Variants in RP2 observed in about 807,000 individuals in gnomAD.
The protein encoded by RP2 is protein XRP2.
A neutral mutation model predicts 20.3 loss-of-function variants in RP2; 3 were observed. The observed-to-expected ratio is 0.15, with a 90% CI of 0.07 to 0.38. The LOEUF is 0.38. Among genes scored for constraint, RP2 ranks in the 10% least tolerant of loss-of-function variants. The probability of loss-of-function intolerance (pLI) is 1.00; values close to 1 mark genes in which losing one functional copy is unlikely to be tolerated. For missense variants in RP2, 233 were observed against 268.5 expected (o/e 0.87, Z 0.92); for synonymous variants, 75 against 94.8 (o/e 0.79, Z 1.22).
intron 1 of RP2, among the ~76,000 whole-genome samples, chrX:46,848,941 G>A (rs1161949756): frequency 1.9e-5 from 2 of 107,973 alleles, no homozygotes; most frequent in Non-Finnish European, 3.8e-5. Context: ...AGGCGGGGAG[G>A]ATTGCTTGAA....
At position 46,839,335 on chromosome X, in the gene RP2, T is replaced by G. The variant is rs112897071; in HGVS notation, c.102+2133T>G. Among the ~76,000 whole-genome samples, 370 of 111,535 alleles carry G rather than the reference T, an allele frequency of 3.3e-3. 3 individuals are homozygous for G. Among genetic ancestry groups the G allele is most frequent in the African/African-American group, 0.011 (345 of 30,742 alleles). On this transcript the variant is annotated intron_variant, in intron 1 of 4. Coordinates refer to ENST00000218340, the MANE Select transcript of RP2 (RefSeq NM_006915.3). ...GGGAGGCCAAGGCTGGTGGCTCTCTTGAGCCCAGGAGTTCCAGACCAGCCT... is the reference window on the plus strand; with the variant it reads ...GGGAGGCCAAGGCTGGTGGCTCTCTGGAGCCCAGGAGTTCCAGACCAGCCT...
chrX:46,837,048 C>T lies in RP2; in HGVS notation c.-53C>T, dbSNP rs1171172291. 1.1e-5 allele frequency: 12 copies of T among 1,122,902 alleles called. No homozygotes were observed. Among genetic ancestry groups the T allele is most frequent in the Non-Finnish European group, 1.3e-5 (11 of 832,100 alleles). 92.5% of individuals were successfully genotyped at this position (1,122,902 alleles called of 1,213,427 possible). On this transcript the variant is annotated 5_prime_UTR_variant, in exon 1 of 5. Coordinates refer to ENST00000218340, the MANE Select transcript of RP2 (RefSeq NM_006915.3). Reference sequence around the variant, plus strand: ...GGGTTCCCAGGGTTCACGCCACACTCTAGGAAGTGCCTGAGCTAGTGAGCT... The same window carrying T: ...GGGTTCCCAGGGTTCACGCCACACTTTAGGAAGTGCCTGAGCTAGTGAGCT...
intron 1 of RP2, among the ~76,000 whole-genome samples, chrX:46,850,952 G>A (rs184180454): frequency 5.4e-4 from 60 of 111,385 alleles, no homozygotes; most frequent in African/African-American, 7.8e-4. Flanking sequence ...TTCAAGATCC[G>A]GTTGCTTATA....
chrX:46,862,828 A>C (rs2147084213), intron 3 of RP2, among the ~76,000 whole-genome samples: 1 of 112,300 alleles, frequency 8.9e-6, no homozygotes, highest in East Asian at 2.8e-4. Context: ...GATGTGATGC[A>C]TTGAAAAATA....
Position 46,843,942 on chromosome X carries a change from G to A in RP2, c.102+6740G>A, listed in dbSNP as rs112563303. On this transcript the variant is annotated intron_variant, in intron 1 of 4. Coordinates refer to ENST00000218340, the MANE Select transcript of RP2 (RefSeq NM_006915.3). Reference sequence around the variant, plus strand: ...TCCCACCTCGGCCTCCCAAAGTGCTGGGATTAAAAGCAAGAGCCACTGCAC... The same window carrying A: ...TCCCACCTCGGCCTCCCAAAGTGCTAGGATTAAAAGCAAGAGCCACTGCAC... Among the ~76,000 whole-genome samples, 375 of 110,767 alleles carry A rather than the reference G, an allele frequency of 3.4e-3. 1 individual carries two copies. The highest frequency in any genetic ancestry group is 0.012 in the African/African-American group (361 of 30,500).
intron 3 of RP2, among the ~76,000 whole-genome samples, chrX:46,865,905 G>A (rs1925162954): frequency 9.3e-6 from 1 of 107,965 alleles, no homozygotes; most frequent in Admixed American, 9.9e-5. Context: ...CAGCCTGGGC[G>A]ACAGAGTGAG....
chrX:46,838,630 G>A (rs1556314149), intron 1 of RP2, among the ~76,000 whole-genome samples: 1 of 112,135 alleles, frequency 8.9e-6, no homozygotes, highest in Non-Finnish European at 1.9e-5. Context: ...TTTATTTATA[G>A]TAGTCTTGGC....
At chrX:46,837,620 G>A (rs1375911191) in intron 1 of RP2, among the ~76,000 whole-genome samples, 1 of 111,731 alleles carries the variant, frequency 9.0e-6, no homozygotes, top group Non-Finnish European at 1.9e-5. Context: ...ACGTATATGG[G>A]ACCGATTCTC....
At chrX:46,847,684 CTATA>C (rs1269564655) in intron 1 of RP2, among the ~76,000 whole-genome samples, 2 of 83,790 alleles carry the variant, frequency 2.4e-5, no homozygotes, top group African/African-American at 5.0e-5. Context: ...ATCGATCACA[CTATA>C]TATATGTGTG....
intron 3 of RP2, among the ~76,000 whole-genome samples, chrX:46,868,165 C>T (rs1556323445): frequency 8.9e-6 from 1 of 111,917 alleles, no homozygotes; most frequent in Non-Finnish European, 1.9e-5. Context: ...ATAGGTGTGT[C>T]ATGATATCTC....
chrX:46,867,734 T>A, intron 3 of RP2, among the ~76,000 whole-genome samples: 1 of 108,789 alleles, frequency 9.2e-6, no homozygotes, highest in Non-Finnish European at 1.9e-5. Context: ...AGCCCCCACA[T>A]ATGAGTGAGA....
At chrX:46,852,114 G>A (rs1426707171) in intron 1 of RP2, among the ~76,000 whole-genome samples, 2 of 111,051 alleles carry the variant, frequency 1.8e-5, no homozygotes, top group Non-Finnish European at 3.8e-5. Flanking sequence ...AGGCTGAGGC[G>A]GAGAATGGCC....
At chrX:46,854,563 T>C (rs1184701354) in intron 2 of RP2, among the ~76,000 whole-genome samples, 1 of 111,414 alleles carries the variant, frequency 9.0e-6, no homozygotes, top group African/African-American at 3.3e-5. Flanking sequence ...TTATAATTGA[T>C]AGCAACTCAG....
Position 46,874,912 on chromosome X carries a change from G to A in RP2, c.884-2593G>A, listed in dbSNP as rs782807223. ...TTTTTCTTGCCTTTGTCTTGGGAAAGAAGCTTGGTCAATTATGTTATAGTA... is the reference window on the plus strand; with the variant it reads ...TTTTTCTTGCCTTTGTCTTGGGAAAAAAGCTTGGTCAATTATGTTATAGTA... On this transcript the variant is annotated intron_variant, in intron 3 of 4. Coordinates refer to ENST00000218340, the MANE Select transcript of RP2 (RefSeq NM_006915.3). Among the ~76,000 whole-genome samples, 72 of 110,802 alleles carry A rather than the reference G, an allele frequency of 6.5e-4. No individual in the cohort carries two copies. In the Admixed American group the frequency reaches 6.6e-3, roughly 10 times the overall value.
chrX:46,854,502 A>C (rs782348197), intron 2 of RP2, among the ~76,000 whole-genome samples: 1 of 111,881 alleles, frequency 8.9e-6, no homozygotes, highest in Non-Finnish European at 1.9e-5. Flanking sequence ...TATTTCACTG[A>C]TGATAGGATG....
intron 1 of RP2, among the ~76,000 whole-genome samples, chrX:46,849,217 G>T (rs782065471): frequency 4.6e-4 from 49 of 107,556 alleles, no homozygotes; most frequent in Non-Finnish European, 7.9e-4. Context: ...AAGTGTCAGG[G>T]TCTTGCTTTG....
At chrX:46,866,290 A>G (rs782086448) in intron 3 of RP2, among the ~76,000 whole-genome samples, 1 of 112,022 alleles carries the variant, frequency 8.9e-6, no homozygotes, top group African/African-American at 3.2e-5. Context: ...CACTGGTTCT[A>G]GGCCCTTTCA....
intron 3 of RP2, among the ~76,000 whole-genome samples, chrX:46,865,667 C>T (rs980592494): frequency 8.9e-6 from 1 of 112,409 alleles, no homozygotes; most frequent in East Asian, 2.8e-4. Context: ...TGGTGGCTCA[C>T]GCCTATAATC....
intron 3 of RP2, among the ~76,000 whole-genome samples, chrX:46,871,069 G>A (rs200999432): frequency 6.2e-4 from 50 of 81,259 alleles, no homozygotes; most frequent in Non-Finnish European, 9.8e-4. Context: ...TTTTGCTCTC[G>A]TCACCCAGGC....
Sources: gnomAD v4.1 joint callset for allele counts (sites outside exome capture counted in the v4.1 genomes callset) on GRCh38, gnomAD v4.1.1 for gene constraint, MANE v1.5 for transcripts, NCBI Gene and HGNC (gene_info 2026-07-23, HGNC 2026-07-21) for gene names.